The following SLC67A2 variants were observed in gnomAD, a reference collection of about 807,000 sequenced individuals.
SLC67A2 encodes solute carrier family 67 member A2.
chr2:102,731,660 G>A, the SLC67A2 span, among the ~76,000 whole-genome samples: 3 of 152,072 alleles, frequency 2.0e-5, no homozygotes, highest in South Asian at 2.1e-4. Flanking sequence ...TACAAATCAC[G>A]GCATGGACCA....
At chr2:102,716,406 T>G in the SLC67A2 span, 4 of 152,348 alleles carry the variant, frequency 2.6e-5, no homozygotes, top group East Asian at 7.7e-4. Context: ...GCCTTTTGAG[T>G]CTAATCTCCA....
chr2:102,735,307 T>G, the SLC67A2 span, among the ~76,000 whole-genome samples: 1 of 152,336 alleles, frequency 6.6e-6, no homozygotes, highest in South Asian at 2.1e-4. Flanking sequence ...GTTTCTGGGC[T>G]TGCAGCAATT....
At chr2:102,734,552 A>C in the SLC67A2 span, among the ~76,000 whole-genome samples, 9 of 152,192 alleles carry the variant, frequency 5.9e-5, no homozygotes, top group South Asian at 2.1e-4. Flanking sequence ...TCAAAAAAAA[A>C]CTAAATTATG....
chr2:102,723,717 A>T, the SLC67A2 span: 5 of 1,614,082 alleles, frequency 3.1e-6, no homozygotes, highest in Non-Finnish European at 4.2e-6. Context: ...GAGAATGAAG[A>T]CCAAAAAGCA....
At chr2:102,722,369 G>C in the SLC67A2 span, among the ~76,000 whole-genome samples, 1 of 152,242 alleles carries the variant, frequency 6.6e-6, no homozygotes, top group Admixed American at 6.5e-5. Context: ...AAGGCAGAGA[G>C]AGGGGCAGGG....
the SLC67A2 span, chr2:102,736,425 G>A: frequency 2.4e-6 from 3 of 1,265,888 alleles, no homozygotes; most frequent in East Asian, 2.7e-5. Context: ...TTCCGCGAAC[G>A]GGGTGCAAGA....
chr2:102,718,674 C>T, the SLC67A2 span: 1 of 1,614,018 alleles, frequency 6.2e-7, no homozygotes, highest in East Asian at 2.2e-5. Flanking sequence ...CACGTCCTGC[C>T]AATGGCAGTG....
chr2:102,736,251 G>GCGTGTCCCTACCTCACCAGCAGC, the SLC67A2 span, among the ~76,000 whole-genome samples: 2 of 152,088 alleles, frequency 1.3e-5, no homozygotes, highest in African/African-American at 4.8e-5. Flanking sequence ...AAAAAGGCTT[G>GCGTGTCCCTACCTCACCAGCAGC]CGTGTCCCTA....
At chr2:102,718,428 T>A in the SLC67A2 span, 1 of 1,613,984 alleles carries the variant, frequency 6.2e-7, no homozygotes, top group Non-Finnish European at 8.5e-7. Context: ...ATCTACTCAC[T>A]TTTTAATTTA....
chr2:102,732,414 A>G, the SLC67A2 span: 1 of 1,603,380 alleles, frequency 6.2e-7, no homozygotes, highest in Non-Finnish European at 8.5e-7. Flanking sequence ...CAAATCCTAA[A>G]ACAAAATAAA....
At chr2:102,719,193 A>G in the SLC67A2 span, 66 of 1,612,838 alleles carry the variant, frequency 4.1e-5, 1 homozygote, top group South Asian at 6.9e-4. Flanking sequence ...CTCCATGGAA[A>G]GAACCAAACG....
chr2:102,716,460 T>C, the SLC67A2 span: 1 of 152,226 alleles, frequency 6.6e-6, no homozygotes, highest in African/African-American at 2.4e-5. Context: ...TTTTATATAT[T>C]AATAATAGTT....
At chr2:102,726,840 C>T in the SLC67A2 span, 1 of 1,480,460 alleles carries the variant, frequency 6.8e-7, no homozygotes. Context: ...AAAAAAGTCA[C>T]TCACCTGCCG....
At chr2:102,719,278 G>A in the SLC67A2 span, 1 of 1,456,910 alleles carries the variant, frequency 6.9e-7, no homozygotes, top group East Asian at 2.3e-5. Flanking sequence ...CCTTGGGGAA[G>A]GGCCAATTAT....
the SLC67A2 span, chr2:102,718,688 A>G: frequency 6.2e-7 from 1 of 1,613,938 alleles, no homozygotes; most frequent in Non-Finnish European, 8.5e-7. Flanking sequence ...GGCAGTGGAG[A>G]AGGACAGGAG....
chr2:102,719,329 C>T, the SLC67A2 span: 1 of 996,878 alleles, frequency 1.0e-6, no homozygotes, highest in Non-Finnish European at 1.5e-6. Context: ...ACTAAATTTA[C>T]TAGTCTGTAT....
the SLC67A2 span, chr2:102,736,816 C>CGCCG: frequency 6.3e-7 from 1 of 1,596,072 alleles, no homozygotes; most frequent in Admixed American, 1.7e-5. Context: ...TCCATACCCG[C>CGCCG]GCCGGCCGGG....
the SLC67A2 span, among the ~76,000 whole-genome samples, chr2:102,723,392 C>A: frequency 6.6e-6 from 1 of 152,168 alleles, no homozygotes; most frequent in Non-Finnish European, 1.5e-5. Flanking sequence ...TCGCTTGAAT[C>A]TGGGACGGGG....
the SLC67A2 span, chr2:102,724,050 A>G: frequency 4.4e-6 from 3 of 684,202 alleles, no homozygotes; most frequent in Non-Finnish European, 7.6e-6. Context: ...CCACTATACC[A>G]CCACGGCATC....
Sources: gnomAD v4.1 joint callset for allele counts (sites outside exome capture counted in the v4.1 genomes callset) on GRCh38, gnomAD v4.1.1 for gene constraint, MANE v1.5 for transcripts, NCBI Gene and HGNC (gene_info 2026-07-23, HGNC 2026-07-21) for gene names.